Variants in ATP13A4 observed in about 807,000 individuals in gnomAD.
The protein encoded by ATP13A4 is probable cation-transporting ATPase 13A4.
In ATP13A4, 114 loss-of-function variants were observed where a neutral mutation model predicts 142.5. That is an observed-to-expected ratio of 0.80 (90% CI 0.69 to 0.93). The LOEUF (loss-of-function observed/expected upper bound fraction) is 0.93. ATP13A4 is among the 40% of genes least tolerant of loss of function. The pLI, the probability that ATP13A4 is intolerant of heterozygous loss-of-function variation, is 0.00. For synonymous variants in ATP13A4, 488 were observed against 514.8 expected (o/e 0.95, Z 0.70); for missense variants, 1,392 against 1,454.0 (o/e 0.96, Z 0.69).
chr3:193,446,098 G>T (rs1389985132), intron 18 of ATP13A4, among the ~76,000 whole-genome samples: 1 of 152,182 alleles, frequency 6.6e-6, no homozygotes, highest in African/African-American at 2.4e-5. Flanking sequence ...AGGAGTTCAA[G>T]GCTGAAGTGA....
chr3:193,531,297 A>AAGGAAGGGAG (rs1722307525), intron 1 of ATP13A4, among the ~76,000 whole-genome samples: 81 of 20,412 alleles, frequency 4.0e-3, no homozygotes, highest in African/African-American at 0.026. Flanking sequence ...GGAGGGAGGG[A>AAGGAAGGGAG]GGAAGGAAGG....
chr3:193,546,563 G>A (rs1723238673), intron 1 of ATP13A4, among the ~76,000 whole-genome samples: 2 of 152,200 alleles, frequency 1.3e-5, no homozygotes, highest in Admixed American at 1.3e-4. Context: ...ATAGGCCAGT[G>A]TTAAAGAGAG....
intron 8 of ATP13A4, among the ~76,000 whole-genome samples, chr3:193,482,995 C>T (rs562057196): frequency 1.3e-5 from 2 of 152,198 alleles, no homozygotes; most frequent in African/African-American, 2.4e-5. Context: ...CCCAAAAATG[C>T]ATCAACAGGT....
intron 17 of ATP13A4, among the ~76,000 whole-genome samples, chr3:193,451,047 G>A (rs569992309): frequency 6.6e-5 from 10 of 152,164 alleles, no homozygotes; most frequent in Non-Finnish European, 1.5e-4. Context: ...CTGTCCAGCC[G>A]GCTGTTACGG....
chr3:193,402,733 G>A lies in ATP13A4; in HGVS notation c.3510C>T (p.Thr1170=). 6.4e-7 allele frequency: 1 copy of A among 1,571,410 alleles called. No homozygotes were observed. Among genetic ancestry groups the A allele is most frequent in the Non-Finnish European group, 8.8e-7 (1 of 1,141,226 alleles). ...CACACTCCGGCATGTCAGAGTGGGA[G>A]GTTTGGTTTAGCGGGGGCCAACTAG... ...NDPSWPPLNQ[T]SHSDMPECGR... Residue 1170 remains threonine, a synonymous_variant, in exon 30 of 30, where the codon ACC becomes ACT. Coordinates refer to ENST00000342695, the MANE Select transcript of ATP13A4 (RefSeq NM_032279.4).
At chr3:193,492,051 T>C (rs1306745013) in intron 5 of ATP13A4, among the ~76,000 whole-genome samples, 4 of 152,212 alleles carry the variant, frequency 2.6e-5, no homozygotes, top group Non-Finnish European at 4.4e-5. Context: ...TCAGATTAAA[T>C]AGCTTGGTCA....
At chr3:193,522,276 T>A (rs1577047880) in intron 1 of ATP13A4, among the ~76,000 whole-genome samples, 1 of 152,202 alleles carries the variant, frequency 6.6e-6, no homozygotes, top group Non-Finnish European at 1.5e-5. Flanking sequence ...GGCAGGAAGG[T>A]AAGACCCTGC....
chr3:193,550,858 C>G (rs1012562070), intron 1 of ATP13A4, among the ~76,000 whole-genome samples: 2 of 152,138 alleles, frequency 1.3e-5, no homozygotes, highest in African/African-American at 4.8e-5. Context: ...TAAGGTGTAA[C>G]TAAAGAGCAA....
intron 2 of ATP13A4, among the ~76,000 whole-genome samples, chr3:193,508,711 G>A (rs1720983089): frequency 6.6e-6 from 1 of 152,144 alleles, no homozygotes. Context: ...ACTGAGTTGG[G>A]GAGTGGGTAG....
chr3:193,476,550 T>A (rs933978936), intron 8 of ATP13A4, among the ~76,000 whole-genome samples: 2 of 152,118 alleles, frequency 1.3e-5, no homozygotes, highest in African/African-American at 4.8e-5. Context: ...TCAAAAACTT[T>A]TCCTTTGCAT....
At chr3:193,554,646 ATGCG>A (rs1274303165) in intron 1 of ATP13A4, 90 bp downstream of exon 1, 15 of 1,379,866 alleles carry the variant, frequency 1.1e-5, no homozygotes, top group East Asian at 4.7e-5. Flanking sequence ...TGTGTGTGTG[ATGCG>A]TGCGTGTGTG....
At chr3:193,486,463 AT>A (rs1446342413) in intron 7 of ATP13A4, among the ~76,000 whole-genome samples, 4 of 152,210 alleles carry the variant, frequency 2.6e-5, no homozygotes, top group Admixed American at 2.6e-4. Context: ...GGAAATAAAA[AT>A]CAAAGGACTT....
chr3:193,465,921 T>A, intron 11 of ATP13A4, 104 bp downstream of exon 11: 2 of 1,457,726 alleles, frequency 1.4e-6, no homozygotes, highest in South Asian at 2.3e-5. Flanking sequence ...TGGTTTTGTT[T>A]CCCAGGTTTG....
intron 3 of ATP13A4, among the ~76,000 whole-genome samples, 184 bp downstream of exon 3, chr3:193,502,309 A>C (rs1720594381): frequency 6.6e-6 from 1 of 152,204 alleles, no homozygotes; most frequent in Non-Finnish European, 1.5e-5. Context: ...CAGAGTTAAG[A>C]TCAATGGTTG....
At position 193,514,663 on chromosome 3, in the gene ATP13A4, G is replaced by A. The variant is rs200101325; in HGVS notation, c.234+35C>T. 1.3e-5 allele frequency: 21 copies of A among 1,593,802 alleles called. 1 individual carries two copies. The East Asian group carries it at 3.9e-4, about 29-fold the overall frequency. ...GTAACACATTGTCCAGAAACAAAAG[G>A]GGGGCACCAGCGACATAACCAGGTA... On this transcript the variant is annotated intron_variant, in intron 2 of 29. Transcript: ENST00000342695.
At chr3:193,484,718 G>A (rs951585208) in intron 7 of ATP13A4, among the ~76,000 whole-genome samples, 3 of 152,118 alleles carry the variant, frequency 2.0e-5, no homozygotes, top group East Asian at 1.9e-4. Flanking sequence ...TTACCCATTT[G>A]TGCATTAATC....
chr3:193,522,748 G>A (rs1721790564), intron 1 of ATP13A4, among the ~76,000 whole-genome samples: 1 of 152,198 alleles, frequency 6.6e-6, no homozygotes. Context: ...TACAGAGTGA[G>A]AGGAAATAGG....
chr3:193,484,124 T>C, intron 7 of ATP13A4, 119 bp from the exon 8 acceptor site: 1 of 864,128 alleles, frequency 1.2e-6, no homozygotes, highest in African/African-American at 1.7e-5. Flanking sequence ...GAATGGAATG[T>C]ACTGGCTAAA....
intron 18 of ATP13A4, among the ~76,000 whole-genome samples, chr3:193,443,892 A>C (rs1705274501): frequency 6.6e-6 from 1 of 152,232 alleles, no homozygotes; most frequent in Non-Finnish European, 1.5e-5. Flanking sequence ...ATCAATGGAA[A>C]TTACACAACC....
Sources: gnomAD v4.1 joint callset for allele counts (sites outside exome capture counted in the v4.1 genomes callset) on GRCh38, gnomAD v4.1.1 for gene constraint, MANE v1.5 for transcripts, NCBI Gene and HGNC (gene_info 2026-07-23, HGNC 2026-07-21) for gene names.